The following UBE2E2 variants were observed in gnomAD, a reference collection of about 807,000 sequenced individuals.
UBE2E2 encodes ubiquitin-conjugating enzyme E2 E2.
In UBE2E2, 6 loss-of-function variants were observed where a neutral mutation model predicts 24.7. The ratio of observed to expected loss-of-function variants is 0.24; its 90% CI spans 0.13 to 0.48. UBE2E2 has a LOEUF of 0.48. UBE2E2 is among the 20% of genes least tolerant of loss of function. The pLI is 0.99. For synonymous variants in UBE2E2, 104 were observed against 83.6 expected (o/e 1.24, Z -1.33); for missense variants, 169 against 245.0 (o/e 0.69, Z 2.07).
At chr3:23,568,349 G>A (rs1259308512) in intron 5 of UBE2E2, among the ~76,000 whole-genome samples, 2 of 152,064 alleles carry the variant, frequency 1.3e-5, no homozygotes, top group Non-Finnish European at 2.9e-5. Context: ...TTACTAGTGG[G>A]TGGACTACAT....
intron 4 of UBE2E2, among the ~76,000 whole-genome samples, chr3:23,526,196 G>A (rs1694993264): frequency 6.6e-6 from 1 of 152,138 alleles, no homozygotes; most frequent in Non-Finnish European, 1.5e-5. Context: ...GGAGTGCCCG[G>A]CACATATTGA....
chr3:23,203,108 G>A (rs1696000576), upstream of UBE2E2: 12 of 981,528 alleles, frequency 1.2e-5, no homozygotes, highest in Non-Finnish European at 1.4e-5. Flanking sequence ...ACGCGCACTC[G>A]CGGGTGCGCG....
At chr3:23,394,197 G>T (rs548794480) in intron 3 of UBE2E2, among the ~76,000 whole-genome samples, 1 of 152,158 alleles carries the variant, frequency 6.6e-6, no homozygotes, top group Non-Finnish European at 1.5e-5. Context: ...CCCAGAACAC[G>T]CAATTTTGCC....
At chr3:23,506,434 CA>C (rs1435375060) in intron 4 of UBE2E2, among the ~76,000 whole-genome samples, 2 of 152,144 alleles carry the variant, frequency 1.3e-5, no homozygotes, top group African/African-American at 2.4e-5. Context: ...AAAAACCTTA[CA>C]TTCATTCTTG....
In UBE2E2 at chr3:23,527,849, C is replaced by G. The variant is rs149976448; in HGVS notation, c.361-4705C>G. On this transcript the variant is annotated intron_variant, in intron 4 of 5. Transcript: ENST00000396703. ...CCCACCCCACCCCTTATGGCTCGTA[C>G]CTTACCTTATGCTTATCTTCTTAAC... 8.7e-3 allele frequency among the ~76,000 whole-genome samples: 1,309 copies of G among 150,798 alleles called. 20 individuals are homozygous for G. Among genetic ancestry groups the G allele is most frequent in the African/African-American group, 0.03 (1,246 of 41,094 alleles).
chr3:23,359,243 G>A (rs986259000), intron 3 of UBE2E2, among the ~76,000 whole-genome samples: 3 of 152,126 alleles, frequency 2.0e-5, no homozygotes, highest in African/African-American at 7.2e-5. Context: ...AAGGGGAATG[G>A]CAGAGTGCTG....
intron 3 of UBE2E2, among the ~76,000 whole-genome samples, chr3:23,481,832 G>A (rs1274301345): frequency 6.6e-6 from 1 of 152,114 alleles, no homozygotes; most frequent in Non-Finnish European, 1.5e-5. Context: ...AATTATTAAG[G>A]GATACTACAA....
intron 1 of UBE2E2, among the ~76,000 whole-genome samples, chr3:23,204,209 A>G (rs1214991462): frequency 7.6e-6 from 1 of 131,284 alleles, no homozygotes; most frequent in Non-Finnish European, 1.5e-5. Context: ...GCCCTTTACC[A>G]TTTCTAATGA....
chr3:23,561,945 T>C (rs1400837455), intron 5 of UBE2E2, among the ~76,000 whole-genome samples: 2 of 152,210 alleles, frequency 1.3e-5, no homozygotes, highest in Non-Finnish European at 2.9e-5. Context: ...CTGAAGTTGC[T>C]TATCAGCTTA....
chr3:23,329,837 A>G (rs1172159056), intron 3 of UBE2E2, among the ~76,000 whole-genome samples: 2 of 152,194 alleles, frequency 1.3e-5, no homozygotes, highest in East Asian at 1.9e-4. Flanking sequence ...TATTAATACA[A>G]TTTGTACTCT....
intron 5 of UBE2E2, among the ~76,000 whole-genome samples, chr3:23,556,820 A>G (rs1695800660): frequency 6.6e-6 from 1 of 152,220 alleles, no homozygotes; most frequent in Non-Finnish European, 1.5e-5. Flanking sequence ...AAATGCTGAC[A>G]TTCTGTGACC....
At chr3:23,469,083 A>T (rs1698980487) in intron 3 of UBE2E2, among the ~76,000 whole-genome samples, 1 of 152,120 alleles carries the variant, frequency 6.6e-6, no homozygotes, top group Non-Finnish European at 1.5e-5. Context: ...TACCTCTCAC[A>T]GTTTTGGAGG....
intron 3 of UBE2E2, among the ~76,000 whole-genome samples, chr3:23,363,323 G>T (rs1333741925): frequency 6.6e-6 from 1 of 152,172 alleles, no homozygotes; most frequent in Non-Finnish European, 1.5e-5. Context: ...ATGCAAACAG[G>T]CTGAAAGCCC....
chr3:23,265,795 G>A (rs1356142970), intron 3 of UBE2E2, among the ~76,000 whole-genome samples: 1 of 152,172 alleles, frequency 6.6e-6, no homozygotes, highest in Non-Finnish European at 1.5e-5. Context: ...CTCTTTGTAG[G>A]TCTCTAAGGA....
chr3:23,271,995 G>T (rs1196723730), intron 3 of UBE2E2, among the ~76,000 whole-genome samples: 1 of 152,208 alleles, frequency 6.6e-6, no homozygotes, highest in Non-Finnish European at 1.5e-5. Flanking sequence ...CAGGGCCGTG[G>T]GTGGAGCTGC....
intron 3 of UBE2E2, among the ~76,000 whole-genome samples, chr3:23,331,799 A>G (rs997520724): frequency 6.6e-6 from 1 of 152,196 alleles, no homozygotes; most frequent in Admixed American, 6.5e-5. Flanking sequence ...TTTATGTGAG[A>G]TGAGAAATCA....
At chr3:23,506,409 C>G (rs970733632) in intron 4 of UBE2E2, among the ~76,000 whole-genome samples, 1 of 152,174 alleles carries the variant, frequency 6.6e-6, no homozygotes, top group Non-Finnish European at 1.5e-5. Flanking sequence ...GTCTTTTTTT[C>G]CAGTTGCTAA....
At chr3:23,349,783 G>A (rs1695678997) in intron 3 of UBE2E2, among the ~76,000 whole-genome samples, 1 of 152,240 alleles carries the variant, frequency 6.6e-6, no homozygotes, top group Non-Finnish European at 1.5e-5. Flanking sequence ...GCCTGCCTCT[G>A]TAGGCTCCAC....
chr3:23,208,036 T>C (rs1305430536), intron 1 of UBE2E2, among the ~76,000 whole-genome samples: 1 of 152,092 alleles, frequency 6.6e-6, no homozygotes, highest in Non-Finnish European at 1.5e-5. Context: ...TTTATTTTTT[T>C]ATTAATTTTT....
Sources: allele counts gnomAD v4.1 joint callset (sites outside exome capture counted in the v4.1 genomes callset), GRCh38; gene constraint gnomAD v4.1.1; transcripts MANE v1.5; gene names NCBI Gene and HGNC (gene_info 2026-07-23, HGNC 2026-07-21).